The following MIS18A variants were observed in gnomAD, a reference collection of about 807,000 sequenced individuals.
MIS18A encodes MIS18 kinetochore protein A, also known as protein Mis18-alpha.
In MIS18A, 14 loss-of-function variants were observed where a neutral mutation model predicts 25.0. That is an observed-to-expected ratio of 0.56 (90% confidence interval 0.37 to 0.88). The LOEUF is 0.88. Ranked by LOEUF, MIS18A falls within the 40% of genes least tolerant of loss-of-function variation. MIS18A has a pLI of 0.00. For synonymous variants in MIS18A, 134 were observed against 118.6 expected (o/e 1.13, Z -0.84); for missense variants, 292 against 290.8 (o/e 1.00, Z -0.03).
chr21:32,240,555 G>A, the MIS18A span, among the ~76,000 whole-genome samples: 1 of 152,068 alleles, frequency 6.6e-6, no homozygotes, highest in African/African-American at 2.4e-5. Context: ...CGTGACCCTG[G>A]GCAAAATCAA....
the MIS18A span, among the ~76,000 whole-genome samples, chr21:32,249,407 G>A: frequency 6.6e-6 from 1 of 152,174 alleles, no homozygotes; most frequent in East Asian, 1.9e-4. Flanking sequence ...AGCATGCCGC[G>A]CAGGCACTCA....
the MIS18A span, among the ~76,000 whole-genome samples, chr21:32,252,933 C>T: frequency 6.6e-6 from 1 of 152,184 alleles, no homozygotes; most frequent in Non-Finnish European, 1.5e-5. Context: ...ACTCACTCGT[C>T]CATTTGGTGA....
chr21:32,237,449 A>G, the MIS18A span, among the ~76,000 whole-genome samples: 2 of 152,232 alleles, frequency 1.3e-5, no homozygotes, highest in Admixed American at 6.5e-5. Context: ...GCCATAGCTT[A>G]ATAGTACTAA....
intron 1 of MIS18A, among the ~76,000 whole-genome samples, chr21:32,276,868 A>G (rs997175455): frequency 6.6e-6 from 1 of 152,126 alleles, no homozygotes; most frequent in Non-Finnish European, 1.5e-5. Context: ...TCAAGGTTAC[A>G]TACAGTGAGC....
the MIS18A span, among the ~76,000 whole-genome samples, chr21:32,243,909 G>A: frequency 1.3e-4 from 20 of 151,814 alleles, no homozygotes; most frequent in African/African-American, 2.9e-4. Context: ...AGCCGAGATC[G>A]TGCCACAGCA....
the MIS18A span, among the ~76,000 whole-genome samples, chr21:32,176,799 T>C: frequency 1.7e-5 from 2 of 116,454 alleles, no homozygotes; most frequent in African/African-American, 3.4e-5. Context: ...TCTTCAAAAA[T>C]CAAGTGAAAA....
chr21:32,270,590 T>C, intron 2 of MIS18A, 61 bp from the exon 3 acceptor site: 2 of 1,461,188 alleles, frequency 1.4e-6, no homozygotes, highest in Non-Finnish European at 1.8e-6. Flanking sequence ...AATAAAAATC[T>C]CACTGTTAAA....
the MIS18A span, among the ~76,000 whole-genome samples, chr21:32,239,486 G>A: frequency 6.6e-6 from 1 of 152,182 alleles, no homozygotes; most frequent in Non-Finnish European, 1.5e-5. Context: ...CAGAAATGTT[G>A]AGCAGAAAAC....
chr21:32,165,637 AAAAAG>A, the MIS18A span, among the ~76,000 whole-genome samples: 5 of 152,206 alleles, frequency 3.3e-5, no homozygotes, highest in African/African-American at 9.6e-5. Context: ...GGAAAGGAAA[AAAAAG>A]AAAAGAAAAA....
chr21:32,229,674 A>C, the MIS18A span, among the ~76,000 whole-genome samples: 1 of 152,198 alleles, frequency 6.6e-6, no homozygotes, highest in Non-Finnish European at 1.5e-5. Context: ...TATTCACATC[A>C]CAGAAAAGAG....
At chr21:32,168,317 A>G in the MIS18A span, among the ~76,000 whole-genome samples, 1 of 152,238 alleles carries the variant, frequency 6.6e-6, no homozygotes, top group Non-Finnish European at 1.5e-5. Context: ...AACATATGTC[A>G]TCTTCAAAGT....
chr21:32,244,422 C>T, the MIS18A span, among the ~76,000 whole-genome samples: 1 of 151,980 alleles, frequency 6.6e-6, no homozygotes, highest in Non-Finnish European at 1.5e-5. Flanking sequence ...GTAAAATATG[C>T]CACAAAAAGC....
the MIS18A span, among the ~76,000 whole-genome samples, chr21:32,240,275 T>G: frequency 6.6e-6 from 1 of 152,376 alleles, no homozygotes; most frequent in African/African-American, 2.4e-5. Flanking sequence ...GGACAGGTGA[T>G]TAGGTCACGA....
the MIS18A span, among the ~76,000 whole-genome samples, chr21:32,182,854 T>G: frequency 3.8e-3 from 580 of 152,282 alleles, 12 homozygotes; most frequent in Non-Finnish European, 8.4e-4. Context: ...GCAAAGGGAA[T>G]GCACTCCTGT....
chr21:32,239,414 C>T, the MIS18A span, among the ~76,000 whole-genome samples: 1 of 152,098 alleles, frequency 6.6e-6, no homozygotes, highest in African/African-American at 2.4e-5. Context: ...ACTAAAAATT[C>T]CTCGGAACCT....
chr21:32,155,612 TATA>T, the MIS18A span, among the ~76,000 whole-genome samples: 1 of 152,168 alleles, frequency 6.6e-6, no homozygotes, highest in Admixed American at 6.5e-5. Context: ...GAAGAAAAAT[TATA>T]ATCAGGTACT....
At chr21:32,272,667 CAG>C (rs1337699429) in intron 2 of MIS18A, among the ~76,000 whole-genome samples, 1 of 152,154 alleles carries the variant, frequency 6.6e-6, no homozygotes, top group East Asian at 1.9e-4. Context: ...TAATTATCTT[CAG>C]AGTTACTTTC....
the MIS18A span, among the ~76,000 whole-genome samples, chr21:32,170,607 T>C: frequency 6.6e-6 from 1 of 151,776 alleles, no homozygotes; most frequent in Non-Finnish European, 1.5e-5. Context: ...GGGAAAAAAT[T>C]AAGAAAAACT....
chr21:32,254,009 G>T, the MIS18A span, among the ~76,000 whole-genome samples: 1 of 152,086 alleles, frequency 6.6e-6, no homozygotes, highest in African/African-American at 2.4e-5. Flanking sequence ...GACCAAGGTG[G>T]GTGGATCACA....
Sources: allele counts gnomAD v4.1 joint callset (sites outside exome capture counted in the v4.1 genomes callset), GRCh38; gene constraint gnomAD v4.1.1; transcripts MANE v1.5; gene names NCBI Gene and HGNC (gene_info 2026-07-23, HGNC 2026-07-21).